Variants in TMEM114 observed in about 807,000 individuals in gnomAD.
TMEM114 encodes the protein claudin-26.
Under a neutral mutation model 6.2 loss-of-function variants are expected in TMEM114, and 6 were observed. The observed-to-expected ratio is 0.97, with a 90% CI of 0.53 to 1.91. TMEM114 has a LOEUF of 1.91. TMEM114 is among the 40% of genes most tolerant of loss of function. The pLI is 0.01. For synonymous variants in TMEM114, 104 were observed against 73.0 expected, an observed-to-expected ratio of 1.42 and a Z score of -2.16; for missense variants, 218 against 158.3, an observed-to-expected ratio of 1.38 and a Z score of -2.02.
intron 2 of TMEM114, among the ~76,000 whole-genome samples, chr16:8,550,565 C>T (rs139265274): frequency 0.021 from 3,219 of 152,056 alleles, 135 homozygotes; most frequent in East Asian, 0.15. Context: ...GTAATCCCAG[C>T]GACTCTGGAG....
chr16:8,578,608 C>G (rs1364111030), intron 2 of TMEM114, among the ~76,000 whole-genome samples: 1 of 152,190 alleles, frequency 6.6e-6, no homozygotes, highest in Non-Finnish European at 1.5e-5. Context: ...ACCATCCACA[C>G]AGTACCACGT....
At chr16:8,534,022 C>T (rs577235645), downstream of TMEM114, among the ~76,000 whole-genome samples, 3 of 152,292 alleles carry the variant, frequency 2.0e-5, no homozygotes, top group South Asian at 6.2e-4. Flanking sequence ...AAATGGCTCT[C>T]GTTTTGAGAT....
chr16:8,563,946 T>C (rs1299644707), intron 2 of TMEM114, among the ~76,000 whole-genome samples: 2 of 142,816 alleles, frequency 1.4e-5, no homozygotes, highest in East Asian at 2.1e-4. Flanking sequence ...AACGAGTAAG[T>C]AAATGAGTGA....
At chr16:8,574,582 C>CTTCCTTCTTTCTTTCT (rs140621744) in intron 2 of TMEM114, among the ~76,000 whole-genome samples, 6,795 of 142,480 alleles carry the variant, frequency 0.048, 194 homozygotes, top group South Asian at 0.1. Flanking sequence ...TCCTTCCTTC[C>CTTCCTTCTTTCTTTCT]TTCTTTCTTT....
At chr16:8,531,728 G>A in the TMEM114 span, among the ~76,000 whole-genome samples, 1 of 152,200 alleles carries the variant, frequency 6.6e-6, no homozygotes, top group Admixed American at 6.5e-5. Flanking sequence ...GGGACACTCA[G>A]TTGAATAGTC....
chr16:8,551,218 G>C (rs928735107), intron 2 of TMEM114, among the ~76,000 whole-genome samples: 3 of 152,132 alleles, frequency 2.0e-5, no homozygotes, highest in African/African-American at 4.8e-5. Context: ...CATTTGGCCA[G>C]ACTTTGTTAA....
At chr16:8,550,997 C>G (rs985399981) in intron 2 of TMEM114, among the ~76,000 whole-genome samples, 1 of 152,210 alleles carries the variant, frequency 6.6e-6, no homozygotes, top group Non-Finnish European at 1.5e-5. Flanking sequence ...ATACATGGTT[C>G]TAACCCTAAA....
downstream of TMEM114, among the ~76,000 whole-genome samples, chr16:8,535,243 C>T (rs953686224): frequency 6.6e-5 from 10 of 152,244 alleles, no homozygotes; most frequent in Middle Eastern, 3.4e-3. Flanking sequence ...GGTTAAAAAG[C>T]TCTATATAAA....
intron 2 of TMEM114, among the ~76,000 whole-genome samples, chr16:8,539,009 A>G (rs1354646873): frequency 6.6e-6 from 1 of 152,178 alleles, no homozygotes; most frequent in Non-Finnish European, 1.5e-5. Flanking sequence ...CTCAATAAAT[A>G]TGTACTCAAT....
intron 2 of TMEM114, among the ~76,000 whole-genome samples, chr16:8,559,202 C>T (rs1351957928): frequency 6.6e-6 from 1 of 151,688 alleles, no homozygotes; most frequent in Non-Finnish European, 1.5e-5. Context: ...GCCACTACGC[C>T]CGGATAATTT....
chr16:8,589,308 G>A lies in TMEM114; in HGVS notation c.221-15C>T, dbSNP rs1458034647. The A allele has an allele frequency of 2.5e-6, 1 of 398,618 alleles. No homozygotes were observed. Among genetic ancestry groups the A allele is most frequent in the African/African-American group, 2.1e-5 (1 of 48,644 alleles). The allele number at this position is 398,618 out of a possible 1,614,324, so 24.7% of individuals were successfully genotyped here. ...CGGGCTCTGCACTGGATAGGACGGAGGAATCCATGGGTGCAGGACCCCGGA... is the reference window on the plus strand; with the variant it reads ...CGGGCTCTGCACTGGATAGGACGGAAGAATCCATGGGTGCAGGACCCCGGA... On this transcript the variant is annotated splice_polypyrimidine_tract_variant and intron_variant, in intron 1 of 3. Transcript: ENST00000620492.
chr16:8,538,129 T>C (rs1337686789), intron 2 of TMEM114, among the ~76,000 whole-genome samples: 1 of 13,916 alleles, frequency 7.2e-5, no homozygotes, highest in Non-Finnish European at 1.2e-4. Flanking sequence ...TGTGACTGTC[T>C]CTACAAAAAA....
intron 2 of TMEM114, among the ~76,000 whole-genome samples, chr16:8,548,035 T>C (rs989781013): frequency 4.6e-5 from 7 of 152,166 alleles, no homozygotes; most frequent in African/African-American, 1.7e-4. Flanking sequence ...CCGGACTTTG[T>C]TAATTTCATG....
intron 2 of TMEM114, among the ~76,000 whole-genome samples, chr16:8,576,464 G>T (rs903741607): frequency 6.6e-6 from 1 of 152,150 alleles, no homozygotes; most frequent in African/African-American, 2.4e-5. Flanking sequence ...TGTCCCCACT[G>T]GTCTCTGGCT....
At chr16:8,581,845 C>G (rs987988623) in intron 2 of TMEM114, among the ~76,000 whole-genome samples, 1 of 152,216 alleles carries the variant, frequency 6.6e-6, no homozygotes, top group African/African-American at 2.4e-5. Flanking sequence ...GCCTGAAGCT[C>G]AGGCCCTTGT....
chr16:8,527,099 C>G, the TMEM114 span, among the ~76,000 whole-genome samples: 1 of 152,200 alleles, frequency 6.6e-6, no homozygotes, highest in African/African-American at 2.4e-5. Context: ...CCCAGCTACT[C>G]AGGAGGCTGA....
At chr16:8,543,181 A>G (rs1900564568) in intron 2 of TMEM114, among the ~76,000 whole-genome samples, 1 of 152,220 alleles carries the variant, frequency 6.6e-6, no homozygotes, top group Admixed American at 6.5e-5. Flanking sequence ...CAGACTGACT[A>G]CAGAGCAAAG....
chr16:8,530,601 G>T, the TMEM114 span, among the ~76,000 whole-genome samples: 2 of 151,868 alleles, frequency 1.3e-5, no homozygotes, highest in African/African-American at 4.8e-5. Flanking sequence ...CAGGAAGGAA[G>T]GAAGAAGGGA....
chr16:8,588,586 AACTTTT>A (rs1423356150), intron 2 of TMEM114, among the ~76,000 whole-genome samples: 1 of 152,184 alleles, frequency 6.6e-6, no homozygotes, highest in Non-Finnish European at 1.5e-5. Context: ...CAGTCCTCAC[AACTTTT>A]ACTGAGTTCC....
Sources: gnomAD v4.1 joint callset for allele counts (sites outside exome capture counted in the v4.1 genomes callset) on GRCh38, gnomAD v4.1.1 for gene constraint, MANE v1.5 for transcripts, NCBI Gene and HGNC (gene_info 2026-07-23, HGNC 2026-07-21) for gene names.